Variants in ANAPC1 observed in about 807,000 individuals in gnomAD.
ANAPC1 encodes the protein anaphase-promoting complex subunit 1.
ANAPC1 carries 36 observed loss-of-function variants against 208.0 expected under a neutral mutation model. The ratio of observed to expected loss-of-function variants is 0.17; its 90% CI spans 0.13 to 0.23. The LOEUF (loss-of-function observed/expected upper bound fraction) is 0.23. Ranked by LOEUF, ANAPC1 falls within the 10% of genes least tolerant of loss-of-function variation. The pLI, the probability that ANAPC1 is intolerant of heterozygous loss-of-function variation, is 1.00. For missense variants in ANAPC1, 942 were observed against 2,011.6 expected, an observed-to-expected ratio of 0.47 and a Z score of 10.17; for synonymous variants, 378 against 695.2, an observed-to-expected ratio of 0.54 and a Z score of 7.18.
rs754399096 is a variant in ANAPC1 at position 111,792,535 on chromosome 2, T to A, written c.4539A>T (p.Glu1513Asp). ...ACAGCAGCACCACGCTCAGACAAGT[T>A]TCTAGGTTATGAGGACCTGTCTGTC... ...NASVTGPHNL[E>D]TCLSVVLLSL... The change falls in exon 38 of 48, where the codon GAA (glutamate) becomes GAT (aspartate). Residue 1513 changes from glutamate (E) to aspartate (D), a missense_variant. Physicochemically the swap from Glu to Asp is conservative, Grantham distance 45. Transcript: ENST00000341068. 2 of 1,613,712 alleles carry A rather than the reference T, an allele frequency of 1.2e-6. No homozygotes were observed. The highest frequency in any genetic ancestry group is 3.3e-5 in the Admixed American group (2 of 59,950).
At chr2:111,864,527 T>C (rs1471457993) in intron 8 of ANAPC1, among the ~76,000 whole-genome samples, 3 of 140,778 alleles carry the variant, frequency 2.1e-5, no homozygotes, top group Non-Finnish European at 4.5e-5. Context: ...TGCAGTGGCA[T>C]GATCTTGGCT....
At chr2:111,867,896 G>A (rs1421346584) in intron 7 of ANAPC1, 127 bp downstream of exon 7, 2 of 551,520 alleles carry the variant, frequency 3.6e-6, no homozygotes, top group South Asian at 4.0e-5. Flanking sequence ...AGTCAAAATA[G>A]AAGTTATTTT....
chr2:111,881,551 A>C (rs1009829067), intron 1 of ANAPC1, among the ~76,000 whole-genome samples: 18 of 150,984 alleles, frequency 1.2e-4, no homozygotes, highest in African/African-American at 4.2e-4. Flanking sequence ...TAATTAATCT[A>C]ATTATTAATC....
At position 111,768,293 on chromosome 2, in the gene ANAPC1, A is replaced by T. The variant is rs561279543; in HGVS notation, c.*998T>A. 1 of 152,234 alleles carries T rather than the reference A, an allele frequency of 6.6e-6. No homozygotes were observed. The highest frequency in any genetic ancestry group is 1.9e-4 in the East Asian group (1 of 5,176). The allele number at this position is 152,234 out of a possible 1,614,324, so 9.4% of individuals were successfully genotyped here. ...CATACATTCTGTAAATCTTAGGTAA[A>T]TATGGATTGTCTTGTTTTTAAATAC... On this transcript the variant is annotated 3_prime_UTR_variant, in exon 48 of 48. Transcript: ENST00000341068.
downstream of ANAPC1, chr2:111,766,857 C>A: frequency 2.5e-6 from 1 of 395,796 alleles, no homozygotes; most frequent in East Asian, 7.1e-5. Context: ...CTGAGACATG[C>A]CCCTTACCAT....
intron 11 of ANAPC1, 29 bp downstream of exon 11, chr2:111,858,277 C>T (rs761717572): frequency 1.9e-6 from 3 of 1,555,344 alleles, no homozygotes; most frequent in Non-Finnish European, 2.6e-6. Flanking sequence ...GTTATTTATA[C>T]AGAAACAATG....
chr2:111,866,730 A>C (rs1682438355), intron 7 of ANAPC1, among the ~76,000 whole-genome samples: 1 of 151,886 alleles, frequency 6.6e-6, no homozygotes, highest in Admixed American at 6.6e-5. Context: ...TCTCAAAAAA[A>C]AAAAAAATGA....
intron 34 of ANAPC1, 38 bp from the exon 35 acceptor site, chr2:111,794,932 G>A (rs1213593385): frequency 9.4e-6 from 8 of 851,966 alleles, no homozygotes; most frequent in Non-Finnish European, 1.5e-5. Context: ...AGATATCAAT[G>A]TTCTCATTAC....
chr2:111,868,178 TC>T (rs1682540375), intron 6 of ANAPC1, 82 bp from the exon 7 acceptor site: 1 of 874,498 alleles, frequency 1.1e-6, no homozygotes, highest in Non-Finnish European at 1.7e-6. Flanking sequence ...AAAAGAAATC[TC>T]CAGATTACAT....
At chr2:111,844,122 A>G (rs2104499506) in intron 16 of ANAPC1, among the ~76,000 whole-genome samples, 1 of 152,154 alleles carries the variant, frequency 6.6e-6, no homozygotes, top group Non-Finnish European at 1.5e-5. Context: ...GTGCCCGGCC[A>G]AGGACAGCTT....
At chr2:111,858,517 T>C (rs1347321649) in intron 10 of ANAPC1, 116 bp from the exon 11 acceptor site, 1 of 650,866 alleles carries the variant, frequency 1.5e-6, no homozygotes, top group Non-Finnish European at 2.5e-6. Flanking sequence ...TCCCAACACT[T>C]TGGGAGGCCG....
intron 46 of ANAPC1, among the ~76,000 whole-genome samples, chr2:111,772,743 C>T (rs1676809523): frequency 6.6e-6 from 1 of 152,144 alleles, no homozygotes; most frequent in African/African-American, 2.4e-5. Flanking sequence ...TATAAAGGTG[C>T]AGTGGTCACT....
intron 21 of ANAPC1, among the ~76,000 whole-genome samples, chr2:111,826,661 A>ATTTT (rs35434299): frequency 4.3e-5 from 5 of 115,058 alleles, no homozygotes; most frequent in Admixed American, 9.2e-5. Flanking sequence ...TTATTTATTT[A>ATTTT]TTTATTTTTT....
rs369537380 is a variant in ANAPC1 at position 111,835,548 on chromosome 2, A to C, written c.2116-676T>G. On this transcript the variant is annotated intron_variant, in intron 18 of 47. Coordinates refer to ENST00000341068, the MANE Select transcript of ANAPC1 (RefSeq NM_022662.4). The stretch of plus-strand genomic sequence containing the variant: ...ATACAGAAAGAACTAACCATAAAAG[A>C]AAAAACTGGGCCGGGTGCAGTGGCT... 2.1e-4 allele frequency among the ~76,000 whole-genome samples: 32 copies of C among 152,324 alleles called. No individual in the cohort carries two copies. The East Asian group carries it at 4.8e-3, about 23-fold the overall frequency.
At chr2:111,836,626 A>C (rs1680483384) in intron 18 of ANAPC1, among the ~76,000 whole-genome samples, 1 of 151,706 alleles carries the variant, frequency 6.6e-6, no homozygotes, top group Non-Finnish European at 1.5e-5. Context: ...CAGCGTAGGC[A>C]ACAGAGTGAC....
chr2:111,815,112 G>A (rs1679166129), intron 28 of ANAPC1, among the ~76,000 whole-genome samples: 2 of 127,898 alleles, frequency 1.6e-5, no homozygotes, highest in Non-Finnish European at 1.6e-5. Context: ...GAGCTTTCTT[G>A]TCACTCATTA....
At chr2:111,859,477 A>ATAAC (rs1681935276) in intron 10 of ANAPC1, among the ~76,000 whole-genome samples, 1 of 151,918 alleles carries the variant, frequency 6.6e-6, no homozygotes, top group African/African-American at 2.4e-5. Context: ...ATCTCAATAA[A>ATAAC]TAAATAAATA....
chr2:111,810,029 C>T (rs1266095982), intron 28 of ANAPC1, among the ~76,000 whole-genome samples: 9 of 149,584 alleles, frequency 6.0e-5, no homozygotes, highest in South Asian at 2.1e-4. Flanking sequence ...CAGTATTATT[C>T]GTAATAGCTA....
rs541482836 is a variant in ANAPC1 at position 111,789,176 on chromosome 2, A to C, written c.4713-856T>G. Among the ~76,000 whole-genome samples, 22 of 152,336 alleles carry C rather than the reference A, an allele frequency of 1.4e-4. 1 individual carries two copies. In the South Asian group the frequency reaches 2.5e-3, roughly 17 times the overall value. ...AGTTACAATGACTGTATAAACAACTATTCCTCTAAATATAAATTCTTTCCT... is the reference window on the plus strand; with the variant it reads ...AGTTACAATGACTGTATAAACAACTCTTCCTCTAAATATAAATTCTTTCCT... On this transcript the variant is annotated intron_variant, in intron 38 of 47. Coordinates refer to ENST00000341068, the MANE Select transcript of ANAPC1 (RefSeq NM_022662.4).
Sources: gnomAD v4.1 joint callset for allele counts (sites outside exome capture counted in the v4.1 genomes callset) on GRCh38, gnomAD v4.1.1 for gene constraint, MANE v1.5 for transcripts, NCBI Gene and HGNC (gene_info 2026-07-23, HGNC 2026-07-21) for gene names.